Variants in XDH observed in about 807,000 individuals in gnomAD.
XDH encodes xanthine dehydrogenase, also known as xanthine dehydrogenase/oxidase.
Under a neutral mutation model 156.1 loss-of-function variants are expected in XDH, and 138 were observed. That is an observed-to-expected ratio of 0.88 (90% CI 0.77 to 1.02). The LOEUF (loss-of-function observed/expected upper bound fraction) is 1.02, where lower values mean the gene tolerates loss of function less well. Ranked by LOEUF, XDH falls within the 50% of genes least tolerant of loss-of-function variation. The probability of loss-of-function intolerance (pLI) is 0.00; values close to 1 mark genes in which losing one functional copy is unlikely to be tolerated. For synonymous variants in XDH, 669 were observed against 625.7 expected, an observed-to-expected ratio of 1.07 and a Z score of -1.03; for missense variants, 1,849 against 1,684.9, an observed-to-expected ratio of 1.10 and a Z score of -1.71.
chr2:31,398,455 G>T, intron 5 of XDH, 118 bp downstream of exon 5: 1 of 1,564,326 alleles, frequency 6.4e-7, no homozygotes, highest in African/African-American at 1.4e-5. Flanking sequence ...CTTGTTGGGG[G>T]GCCTGAGCCC....
intron 18 of XDH, among the ~76,000 whole-genome samples, chr2:31,369,345 ATTG>A (rs746900206): frequency 6.6e-6 from 1 of 152,264 alleles, no homozygotes; most frequent in African/African-American, 2.4e-5. Flanking sequence ...TATGATAATG[ATTG>A]TTGTTTTATT....
chr2:31,337,531 C>T, intron 35 of XDH, 110 bp downstream of exon 35: 2 of 1,534,076 alleles, frequency 1.3e-6, no homozygotes, highest in Non-Finnish European at 1.8e-6. Context: ...GCAAGGCTGC[C>T]CGGTTAGGAG....
chr2:31,403,161 T>A lies in XDH; in HGVS notation c.101-17A>T. 7 of 1,613,722 alleles carry A rather than the reference T, an allele frequency of 4.3e-6. No homozygotes were observed. Among genetic ancestry groups the A allele is most frequent in the Non-Finnish European group, 5.1e-6 (6 of 1,179,764 alleles). ...TCAGCCCCACTGGGTGGTCAAGAGTTAAGGAGAATGAACTCAGGGAGAGGA... is the reference window on the plus strand; with the variant it reads ...TCAGCCCCACTGGGTGGTCAAGAGTAAAGGAGAATGAACTCAGGGAGAGGA... On this transcript the variant is annotated splice_polypyrimidine_tract_variant and intron_variant, in intron 2 of 35. Transcript: ENST00000379416.
At chr2:31,395,845 GATGAAATAAAGACTCCTAAGCTGCTT>G (rs1197771992) in intron 6 of XDH, among the ~76,000 whole-genome samples, 1 of 152,128 alleles carries the variant, frequency 6.6e-6, no homozygotes, top group African/African-American at 2.4e-5. Flanking sequence ...TTCTTGTTTA[GATGAAATAAAGACTCCTAAGCTGCTT>G]ACATGCCAGA....
intron 35 of XDH, among the ~76,000 whole-genome samples, chr2:31,337,398 C>T (rs962185429): frequency 6.6e-6 from 1 of 152,210 alleles, no homozygotes; most frequent in African/African-American, 2.4e-5. Context: ...CTGTGCACCA[C>T]ACATTCCTCC....
Position 31,398,604 on chromosome 2 carries a change from G to A in XDH, c.402C>T (p.Pro134=). The A allele has an allele frequency of 6.2e-7, 1 of 1,614,148 alleles. No homozygotes were observed. The highest frequency in any genetic ancestry group is 8.5e-7 in the Non-Finnish European group (1 of 1,179,998). Residue 134 remains proline, a synonymous_variant, in exon 5 of 36, where the codon CCC becomes CCT. Coordinates refer to ENST00000379416, the MANE Select transcript of XDH (RefSeq NM_000379.4). ...MYTLLRNQPE[P]TMEEIENAFQ... ...AGGCATTCTCAATCTCCTCCATGGT[G>A]GGCTCGGGCTGATTCCGGAGCAGTG...
intron 13 of XDH, among the ~76,000 whole-genome samples, chr2:31,378,112 AAGGAAGG>A (rs1558696660): frequency 0.022 from 675 of 31,288 alleles, 1 homozygote; most frequent in Middle Eastern, 0.03. Flanking sequence ...GAAAGAAAGG[AAGGAAGG>A]AAGGAAGGAA....
intron 33 of XDH, among the ~76,000 whole-genome samples, chr2:31,340,388 C>G (rs1462773665): frequency 6.6e-6 from 1 of 152,184 alleles, no homozygotes; most frequent in African/African-American, 2.4e-5. Context: ...TTTAGAAGTA[C>G]AATTTGTATT....
At chr2:31,368,504 G>A (rs1374596233) in intron 19 of XDH, 37 bp downstream of exon 19, 15 of 1,612,896 alleles carry the variant, frequency 9.3e-6, no homozygotes, top group Non-Finnish European at 1.3e-5. Flanking sequence ...GGGACGGGGA[G>A]CTCACTCCTC....
At chr2:31,339,358 C>T (rs1283706261) in intron 34 of XDH, 131 bp downstream of exon 34, 6 of 1,300,446 alleles carry the variant, frequency 4.6e-6, no homozygotes, top group East Asian at 2.3e-5. Context: ...AGGTCAGTGT[C>T]AAACCATCTT....
intron 6 of XDH, among the ~76,000 whole-genome samples, chr2:31,393,509 A>G (rs1411027458): frequency 6.6e-6 from 1 of 151,990 alleles, no homozygotes; most frequent in South Asian, 2.1e-4. Flanking sequence ...GTGTCTTTTC[A>G]TTTAAAGTAG....
chr2:31,365,337 A>C, intron 23 of XDH, 120 bp downstream of exon 23: 1 of 1,030,736 alleles, frequency 9.7e-7, no homozygotes, highest in South Asian at 1.3e-5. Context: ...GCTATATCTT[A>C]TTTGAACTTC....
At position 31,397,880 on chromosome 2, in the gene XDH, T is replaced by C. The variant is rs894525244; in HGVS notation, c.434-151A>G. Reference sequence around the variant, plus strand: ...TGGAAGGCCTCTTGGCCTTCTCATATCCTGACTTCAGAAAAGTTATCATGA... The same window carrying C: ...TGGAAGGCCTCTTGGCCTTCTCATACCCTGACTTCAGAAAAGTTATCATGA... On this transcript the variant is annotated intron_variant, in intron 5 of 35. Transcript: ENST00000379416. 7 of 828,100 alleles carry C rather than the reference T, an allele frequency of 8.5e-6. No homozygotes were observed. In the South Asian group the frequency reaches 9.0e-5, roughly 11 times the overall value. 51.3% of individuals were successfully genotyped at this position (828,100 alleles called of 1,614,324 possible). A position where few individuals can be genotyped will look rare whatever the true frequency, so the allele number is the denominator to read the frequency against.
chr2:31,339,747 A>C, intron 33 of XDH, 70 bp from the exon 34 acceptor site: 1 of 1,583,838 alleles, frequency 6.3e-7, no homozygotes, highest in East Asian at 2.3e-5. Flanking sequence ...ACTTGCCACA[A>C]TGGACACAAA....
chr2:31,406,071 G>T (rs1437596800), intron 1 of XDH, 107 bp from the exon 2 acceptor site: 40 of 1,288,618 alleles, frequency 3.1e-5, no homozygotes, highest in Non-Finnish European at 1.1e-6. Context: ...GAGTTAGTAG[G>T]AAGTGTGATA....
chr2:31,343,150 C>A (rs941978060), intron 31 of XDH, among the ~76,000 whole-genome samples: 1 of 151,816 alleles, frequency 6.6e-6, no homozygotes, highest in Non-Finnish European at 1.5e-5. Flanking sequence ...TCACCATGCT[C>A]CTCTGCTTTG....
At chr2:31,351,125 C>T (rs894510263) in intron 24 of XDH, among the ~76,000 whole-genome samples, 3 of 152,184 alleles carry the variant, frequency 2.0e-5, no homozygotes, top group Admixed American at 6.5e-5. Flanking sequence ...GCCCTCACCC[C>T]TACCAGCTTC....
At chr2:31,347,837 G>C (rs554355510) in intron 28 of XDH, among the ~76,000 whole-genome samples, 187 bp from the exon 29 acceptor site, 4 of 152,140 alleles carry the variant, frequency 2.6e-5, no homozygotes, top group African/African-American at 9.7e-5. Context: ...AGTTCGGTTG[G>C]ATAAAAAATT....
At chr2:31,337,996 G>A (rs566620171) in intron 34 of XDH, among the ~76,000 whole-genome samples, 179 bp from the exon 35 acceptor site, 3 of 152,318 alleles carry the variant, frequency 2.0e-5, no homozygotes, top group African/African-American at 7.2e-5. Flanking sequence ...ATGATCAGGG[G>A]CTAAGAACAA....
Sources: allele counts gnomAD v4.1 joint callset (sites outside exome capture counted in the v4.1 genomes callset), GRCh38; gene constraint gnomAD v4.1.1; transcripts MANE v1.5; gene names NCBI Gene and HGNC (gene_info 2026-07-23, HGNC 2026-07-21).